SYNJ1: variants seen among roughly 807,000 people sequenced by gnomAD.
The protein encoded by SYNJ1 is synaptojanin 1.
In SYNJ1, 78 loss-of-function variants were observed where a neutral mutation model predicts 168.2. The ratio of observed to expected loss-of-function variants is 0.46; its 90% CI spans 0.39 to 0.56. The LOEUF (loss-of-function observed/expected upper bound fraction) is 0.56, where lower values mean the gene tolerates loss of function less well. Among genes scored for constraint, SYNJ1 ranks in the 20% least tolerant of loss-of-function variants. SYNJ1 has a pLI of 0.00. For missense variants in SYNJ1, 1,303 were observed against 1,597.6 expected (o/e 0.82, Z 3.14); for synonymous variants, 539 against 548.6 (o/e 0.98, Z 0.24).
chr21:32,639,828 G>T (rs1294599564), intron 29 of SYNJ1, 49 bp from the exon 30 acceptor site: 3 of 1,464,544 alleles, frequency 2.0e-6, no homozygotes, highest in Admixed American at 3.6e-5. Flanking sequence ...CCTTCCACAG[G>T]TAAAATTCTG....
chr21:32,685,140 C>T (rs977643452), intron 9 of SYNJ1, among the ~76,000 whole-genome samples: 8 of 149,100 alleles, frequency 5.4e-5, no homozygotes, highest in East Asian at 2.0e-4. Context: ...CAAGATCGCA[C>T]CACTGCACTC....
intron 1 of SYNJ1, 111 bp from the exon 2 acceptor site, chr21:32,727,028 T>TG (rs2043487904): frequency 6.9e-7 from 1 of 1,449,168 alleles, no homozygotes; most frequent in Non-Finnish European, 9.2e-7. Context: ...GGGGTTGGGG[T>TG]GGGAAAAAAC....
chr21:32,659,483 C>T (rs1051907731), intron 18 of SYNJ1, among the ~76,000 whole-genome samples: 9 of 152,116 alleles, frequency 5.9e-5, no homozygotes, highest in East Asian at 3.9e-4. Flanking sequence ...CCCAGCACTG[C>T]GCCCTGGGCC....
chr21:32,650,395 T>G, intron 22 of SYNJ1, 49 bp from the exon 23 acceptor site: 1 of 1,523,334 alleles, frequency 6.6e-7, no homozygotes, highest in Non-Finnish European at 8.8e-7. Flanking sequence ...GAAAGCTAAC[T>G]AATTTGGAAT....
At chr21:32,683,418 A>C (rs1464727723) in intron 10 of SYNJ1, among the ~76,000 whole-genome samples, 2 of 152,070 alleles carry the variant, frequency 1.3e-5, no homozygotes, top group South Asian at 4.1e-4. Context: ...ATTCTCACTA[A>C]CTATGGCATT....
At chr21:32,728,148 G>C, upstream of SYNJ1, 1 of 1,333,772 alleles carries the variant, frequency 7.5e-7, no homozygotes, top group Non-Finnish European at 9.9e-7. Context: ...TGGCACCCGC[G>C]GGCGGCCCCA....
intron 4 of SYNJ1, 42 bp downstream of exon 4, chr21:32,699,796 A>G (rs2042335043): frequency 1.9e-6 from 3 of 1,582,302 alleles, no homozygotes; most frequent in African/African-American, 1.4e-5. Flanking sequence ...ACTGCTGAAC[A>G]TATTATGTCC....
chr21:32,725,883 C>T (rs1161972319), intron 2 of SYNJ1, among the ~76,000 whole-genome samples: 1 of 152,030 alleles, frequency 6.6e-6, no homozygotes, highest in African/African-American at 2.4e-5. Flanking sequence ...CTGTGTTGCC[C>T]AAGCTGGAGC....
intron 19 of SYNJ1, 95 bp downstream of exon 19, chr21:32,657,621 G>T: frequency 8.2e-7 from 1 of 1,219,820 alleles, no homozygotes; most frequent in Non-Finnish European, 1.1e-6. Flanking sequence ...AATGTTTCTT[G>T]AAAAACAATA....
rs1807485051 is a variant in SYNJ1 at position 32,666,079 on chromosome 21, C to T, written c.2009G>A (p.Gly670Glu). Residue 670 changes from glycine to glutamate, a missense_variant, in exon 17 of 33, where the codon GGA becomes GAA. Gly to Glu is a moderately conservative substitution (Grantham distance 98). Coordinates refer to ENST00000674351, the MANE Select transcript of SYNJ1 (RefSeq NM_203446.3). ...TGMGGATGNKGAVAIRMLFHT... is the reference protein window; with the variant it reads ...TGMGGATGNKEAVAIRMLFHT... ...GAAGAGCATTCGGATTGCAACTGCT[C>T]CCTTATTTCCAGTTGCACCTCCCAT... is the stretch of plus-strand genomic sequence containing the variant. 1 of 1,613,720 alleles carries T rather than the reference C, an allele frequency of 6.2e-7. No homozygotes were observed. Among genetic ancestry groups the T allele is most frequent in the African/African-American group, 1.3e-5 (1 of 74,910 alleles).
At position 32,656,692 on chromosome 21, in the gene SYNJ1, A is replaced by G; in HGVS notation, c.2790T>C (p.Leu930=). The G allele has an allele frequency of 6.2e-7, 1 of 1,611,914 alleles. No individual in the cohort carries two copies. The change falls in exon 21 of 33, where the codon CTT becomes CTC. Residue 930 remains leucine, a synonymous_variant. Transcript: ENST00000674351. ...TTGCATAATAAACATCTTACCTTAT[A>G]AGTATAACTTCACCAAAACTTGCAA... ...QQFASFGEVI[L]IRFVEDKMWV...
chr21:32,707,780 AATATATAAAGTGGATCACCTG>A (rs1252489931), intron 2 of SYNJ1, among the ~76,000 whole-genome samples: 1 of 152,224 alleles, frequency 6.6e-6, no homozygotes, highest in East Asian at 1.9e-4. Flanking sequence ...ATTTAAAAAT[AATATATAAAGTGGATCACCTG>A]AGGTTGGGAG....
chr21:32,663,032 C>T (rs1005530769), intron 18 of SYNJ1, among the ~76,000 whole-genome samples: 2 of 152,180 alleles, frequency 1.3e-5, no homozygotes, highest in Non-Finnish European at 2.9e-5. Flanking sequence ...GTGCCAGTAC[C>T]AGAAATTCCA....
intron 2 of SYNJ1, among the ~76,000 whole-genome samples, chr21:32,717,308 C>T (rs1484055027): frequency 6.6e-6 from 1 of 152,104 alleles, no homozygotes; most frequent in Non-Finnish European, 1.5e-5. Context: ...TTTTCCTCTA[C>T]TTGTTGAACA....
intron 13 of SYNJ1, among the ~76,000 whole-genome samples, chr21:32,673,787 C>T (rs1234542319): frequency 1.3e-5 from 2 of 148,440 alleles, no homozygotes; most frequent in Admixed American, 6.7e-5. Flanking sequence ...AAAAAAAATA[C>T]TACACATACA....
At chr21:32,685,985 T>G in intron 8 of SYNJ1, 68 bp from the exon 9 acceptor site, 1 of 1,497,256 alleles carries the variant, frequency 6.7e-7, no homozygotes, top group South Asian at 1.3e-5. Flanking sequence ...TAAATATTCA[T>G]CACATTTCAT....
chr21:32,698,877 G>A (rs925952604), intron 4 of SYNJ1, among the ~76,000 whole-genome samples: 3 of 152,194 alleles, frequency 2.0e-5, no homozygotes, highest in Non-Finnish European at 4.4e-5. Context: ...AATGCCGCCA[G>A]AGACAAGATC....
At position 32,639,767 on chromosome 21, in the gene SYNJ1, G is replaced by A. The variant is rs114994257; in HGVS notation, c.3601C>T (p.Arg1201Cys). 78 of 1,613,740 alleles carry A rather than the reference G, an allele frequency of 4.8e-5. 2 individuals carry two copies. In the South Asian group the frequency reaches 8.0e-4, roughly 17 times the overall value. Residue 1201 changes from arginine (R) to cysteine (C), a missense_variant, in exon 30 of 33, where the codon CGT becomes TGT. By Grantham distance (180) the Arg-to-Cys change is radical. Coordinates refer to ENST00000674351, the MANE Select transcript of SYNJ1 (RefSeq NM_203446.3). ...TGTGGGGCACTGATAACTCCAGCAC[G>A]AGGAGGAATCGTCTACAGATAGGAA... ...YSTARPTIPPRAGVISAPQSH... is the reference protein window; with the variant it reads ...YSTARPTIPPCAGVISAPQSH...
At chr21:32,666,230 T>C (rs2040925323) in intron 16 of SYNJ1, 95 bp from the exon 17 acceptor site, 6 of 1,453,544 alleles carry the variant, frequency 4.1e-6, no homozygotes, top group Admixed American at 2.2e-5. Context: ...TAAGTACACA[T>C]GGTATGGTAC....
Sources: allele counts gnomAD v4.1 joint callset (sites outside exome capture counted in the v4.1 genomes callset), GRCh38; gene constraint gnomAD v4.1.1; transcripts MANE v1.5; gene names NCBI Gene and HGNC (gene_info 2026-07-23, HGNC 2026-07-21).